The following PDE6C variants were observed in gnomAD, a reference collection of about 807,000 sequenced individuals.
PDE6C encodes phosphodiesterase 6C.
Under a neutral mutation model 113.1 loss-of-function variants are expected in PDE6C, and 75 were observed. That is an observed-to-expected ratio of 0.66 (90% CI 0.55 to 0.80). The LOEUF is 0.80. PDE6C is among the 30% of genes least tolerant of loss of function. PDE6C has a pLI of 0.00. For missense variants in PDE6C, 912 were observed against 1,038.6 expected (o/e 0.88, Z 1.67); for synonymous variants, 375 against 363.7 (o/e 1.03, Z -0.35).
chr10:93,659,012 G>A lies in PDE6C; in HGVS notation c.2144+4G>A. The A allele has an allele frequency of 6.3e-7, 1 of 1,576,608 alleles. No individual in the cohort carries two copies. The highest frequency in any genetic ancestry group is 8.7e-7 in the Non-Finnish European group (1 of 1,146,122). On this transcript the variant is annotated splice_donor_region_variant and intron_variant, in intron 17 of 21. Transcript: ENST00000371447. ...CAACCAAGAAAGAGATTATCATGTA[G>A]GTAGTTGAAATTGTATTTCTCTCTT...
At chr10:93,635,024 A>G (rs2058521226) in intron 9 of PDE6C, 117 bp downstream of exon 9, 1 of 1,048,364 alleles carries the variant, frequency 9.5e-7, no homozygotes, top group Non-Finnish European at 1.5e-6. Context: ...TGAGTCACAC[A>G]TAGCTGTAAC....
chr10:93,614,134 A>G (rs2058408381), intron 1 of PDE6C, among the ~76,000 whole-genome samples: 1 of 152,222 alleles, frequency 6.6e-6, no homozygotes, highest in African/African-American at 2.4e-5. Context: ...ACAGTTTACC[A>G]TTAACAAAAA....
Position 93,625,638 on chromosome 10 carries a change from C to CCT in PDE6C, c.929_930dup (p.Asp311LeufsTer24). The CCT allele has an allele frequency of 6.2e-7, 1 of 1,611,172 alleles. No homozygotes were observed. Among genetic ancestry groups the CCT allele is most frequent in the Non-Finnish European group, 8.5e-7 (1 of 1,177,374 alleles). On this transcript the variant is annotated frameshift_variant, in exon 5 of 22. Transcript: ENST00000371447. LOFTEE classifies it high-confidence loss of function. ...AGAGCCTTATAAAGGTCCAAAGACA[C>CCT]CTGATGGCAGGGTACGTGCAAATGT...
chr10:93,661,875 A>C (rs1383543876), intron 18 of PDE6C, among the ~76,000 whole-genome samples, 184 bp from the exon 19 acceptor site: 1 of 152,162 alleles, frequency 6.6e-6, no homozygotes, highest in Non-Finnish European at 1.5e-5. Flanking sequence ...TAGGAAGAAA[A>C]AGCTCCCCTT....
intron 15 of PDE6C, among the ~76,000 whole-genome samples, chr10:93,651,486 T>C (rs2058609463): frequency 6.6e-6 from 1 of 152,120 alleles, no homozygotes; most frequent in Non-Finnish European, 1.5e-5. Flanking sequence ...GTGGCACACT[T>C]AAAACCATCA....
intron 16 of PDE6C, 117 bp downstream of exon 16, chr10:93,655,977 GACAC>G (rs142512994): frequency 2.9e-5 from 21 of 734,268 alleles, no homozygotes; most frequent in Admixed American, 5.5e-5. Flanking sequence ...CACACACACA[GACAC>G]ACACACACAC....
chr10:93,621,876 T>C, intron 3 of PDE6C, 56 bp from the exon 4 acceptor site: 1 of 1,507,090 alleles, frequency 6.6e-7, no homozygotes, highest in Non-Finnish European at 9.2e-7. Flanking sequence ...GTGAATGCTC[T>C]ATCTCTCCAT....
In PDE6C at chr10:93,635,621, A is replaced by G; in HGVS notation, c.1394A>G (p.Glu465Gly). ...MLMNQTKATPEEIKSILKFQE... is the reference protein window; with the variant it reads ...MLMNQTKATPGEIKSILKFQE... ...ATGAACCAAACCAAAGCCACTCCTG[A>G]AGAAATTAAGTCCATTTTGGTAAGT... is the stretch of plus-strand genomic sequence containing the variant. The change falls in exon 10 of 22, where the codon GAA becomes GGA. Residue 465 changes from glutamate to glycine, a missense_variant. Coordinates refer to ENST00000371447, the MANE Select transcript of PDE6C (RefSeq NM_006204.4). The G allele has an allele frequency of 6.2e-7, 1 of 1,613,982 alleles. No homozygotes were observed. The highest frequency in any genetic ancestry group is 8.5e-7 in the Non-Finnish European group (1 of 1,179,862).
At chr10:93,640,286 C>T (rs2058552832) in intron 12 of PDE6C, 70 bp downstream of exon 12, 1 of 1,464,202 alleles carries the variant, frequency 6.8e-7, no homozygotes, top group Admixed American at 1.7e-5. Context: ...TTCTGTGGTT[C>T]AAAAGATGGA....
At chr10:93,617,287 C>A (rs1400915574) in intron 1 of PDE6C, among the ~76,000 whole-genome samples, 2 of 152,158 alleles carry the variant, frequency 1.3e-5, no homozygotes, top group African/African-American at 4.8e-5. Flanking sequence ...AAAAACCCCT[C>A]CCCCATCCCC....
intron 8 of PDE6C, among the ~76,000 whole-genome samples, chr10:93,630,438 C>A (rs1209396932): frequency 6.6e-6 from 1 of 151,366 alleles, no homozygotes; most frequent in Non-Finnish European, 1.5e-5. Context: ...CTCTACCTGC[C>A]CATCCCTCCT....
chr10:93,621,117 G>A (rs955339039), intron 3 of PDE6C, 137 bp downstream of exon 3: 51 of 718,988 alleles, frequency 7.1e-5, no homozygotes, highest in African/African-American at 3.1e-4. Context: ...TCAGTCCCAC[G>A]TGTCCTCTCA....
intron 9 of PDE6C, among the ~76,000 whole-genome samples, chr10:93,635,190 G>C (rs2058521923): frequency 1.3e-5 from 2 of 152,092 alleles, no homozygotes; most frequent in African/African-American, 4.8e-5. Flanking sequence ...CCTCCTTCCT[G>C]TTCCCTCTCA....
chr10:93,636,691 A>G (rs2058533589), intron 10 of PDE6C, among the ~76,000 whole-genome samples: 1 of 152,174 alleles, frequency 6.6e-6, no homozygotes, highest in South Asian at 2.1e-4. Context: ...AAAAGTCTTC[A>G]TAATCAGGTG....
intron 14 of PDE6C, among the ~76,000 whole-genome samples, chr10:93,645,345 T>A (rs1429732324): frequency 6.6e-6 from 1 of 152,230 alleles, no homozygotes. Flanking sequence ...CTACTAAGGC[T>A]ACCAGCCATG....
chr10:93,635,743 C>G, intron 10 of PDE6C, 103 bp downstream of exon 10: 1 of 1,236,212 alleles, frequency 8.1e-7, no homozygotes, highest in Non-Finnish European at 1.2e-6. Context: ...ATGGTTTACT[C>G]CTGGGCTGAG....
At chr10:93,627,258 C>CAAGAGAA (rs71031524) in intron 7 of PDE6C, among the ~76,000 whole-genome samples, 10 of 52,580 alleles carry the variant, frequency 1.9e-4, no homozygotes, top group African/African-American at 6.3e-4. Context: ...TGAAACTCCA[C>CAAGAGAA]AAAAAAAAAA....
At chr10:93,655,609 C>CAA (rs1564805050) in intron 15 of PDE6C, 151 bp from the exon 16 acceptor site, 16 of 462,476 alleles carry the variant, frequency 3.5e-5, no homozygotes, top group African/African-American at 6.5e-5. Context: ...TAAAAGCAAG[C>CAA]CAAAAAAAAA....
chr10:93,633,420 T>G (rs556600013), intron 8 of PDE6C, among the ~76,000 whole-genome samples: 1 of 144,838 alleles, frequency 6.9e-6, no homozygotes, highest in African/African-American at 2.5e-5. Context: ...GAGCCAAGAT[T>G]GTGCCGTTGT....
Sources: gnomAD v4.1 joint callset for allele counts (sites outside exome capture counted in the v4.1 genomes callset) on GRCh38, gnomAD v4.1.1 for gene constraint, MANE v1.5 for transcripts, NCBI Gene and HGNC (gene_info 2026-07-23, HGNC 2026-07-21) for gene names.